PDILT: variants seen among roughly 807,000 people sequenced by gnomAD.
PDILT encodes the protein protein disulfide isomerase like, testis expressed.
Under a neutral mutation model 53.7 loss-of-function variants are expected in PDILT, and 43 were observed. That is an observed-to-expected ratio of 0.80 (90% CI 0.63 to 1.03). The LOEUF (loss-of-function observed/expected upper bound fraction) is 1.03, where lower values mean the gene tolerates loss of function less well. Ranked by LOEUF, PDILT falls within the 50% of genes least tolerant of loss-of-function variation. PDILT has a pLI of 0.00. For missense variants in PDILT, 727 were observed against 712.3 expected, an observed-to-expected ratio of 1.02 and a Z score of -0.24; for synonymous variants, 282 against 274.2, an observed-to-expected ratio of 1.03 and a Z score of -0.28.
At chr16:20,380,264 G>A (rs774155058) in intron 3 of PDILT, among the ~76,000 whole-genome samples, 55 of 152,074 alleles carry the variant, frequency 3.6e-4, no homozygotes, top group Middle Eastern at 3.4e-3. Context: ...ATTCTCAGTT[G>A]GTTCTTCTTT....
At chr16:20,383,647 A>G (rs954637665) in intron 3 of PDILT, among the ~76,000 whole-genome samples, 3 of 152,172 alleles carry the variant, frequency 2.0e-5, no homozygotes, top group African/African-American at 7.2e-5. Flanking sequence ...TTTCTTGCAA[A>G]TAACACTGAA....
chr16:20,396,203 C>T (rs118156848), intron 2 of PDILT, among the ~76,000 whole-genome samples: 2,334 of 152,294 alleles, frequency 0.015, 38 homozygotes, highest in Admixed American at 0.061. Context: ...AATATTCTCG[C>T]TTTACAGGTG....
At chr16:20,399,913 T>C (rs769064756) in intron 1 of PDILT, among the ~76,000 whole-genome samples, 3 of 151,976 alleles carry the variant, frequency 2.0e-5, no homozygotes, top group African/African-American at 4.8e-5. Flanking sequence ...TAAAAATCTC[T>C]CCCATTCTCT....
intron 2 of PDILT, 52 bp downstream of exon 2, chr16:20,399,047 G>A: frequency 6.3e-7 from 1 of 1,597,706 alleles, no homozygotes; most frequent in South Asian, 1.1e-5. Context: ...CACACACAAG[G>A]AGGCAGGCCT....
At position 20,376,120 on chromosome 16, in the gene PDILT, T is replaced by C. The variant is rs1185479483; in HGVS notation, c.491A>G (p.Gln164Arg). The C allele has an allele frequency of 1.5e-5, 25 of 1,614,202 alleles. No individual in the cohort carries two copies. Among genetic ancestry groups the C allele is most frequent in the Non-Finnish European group, 1.9e-5 (22 of 1,180,030 alleles). ...QKAFLFNSSE[Q>R]VAEFVISRPL... Reference sequence around the variant, plus strand: ...CCTGGATATCACAAACTCTGCCACCTGCTCGCTGCTGTTGAACAAAAATGC... The same window carrying C: ...CCTGGATATCACAAACTCTGCCACCCGCTCGCTGCTGTTGAACAAAAATGC... The change falls in exon 4 of 12, where the codon CAG becomes CGG. Residue 164 changes from glutamine to arginine, a missense_variant. Coordinates refer to ENST00000302451, the MANE Select transcript of PDILT (RefSeq NM_174924.2).
At chr16:20,397,091 C>T (rs941704780) in intron 2 of PDILT, among the ~76,000 whole-genome samples, 20 of 152,230 alleles carry the variant, frequency 1.3e-4, no homozygotes, top group African/African-American at 4.8e-4. Context: ...TCACTTAATC[C>T]CCACAATAAC....
chr16:20,398,455 C>T (rs1032709452), intron 2 of PDILT, among the ~76,000 whole-genome samples: 1 of 152,226 alleles, frequency 6.6e-6, no homozygotes, highest in Admixed American at 6.5e-5. Context: ...AACCCTGTCT[C>T]TACTAAAAAT....
Position 20,359,527 on chromosome 16 carries a change from ACTT to A in PDILT, c.1544_1546del (p.Glu515del), listed in dbSNP as rs1325973512. On this transcript the variant is annotated inframe_deletion, in exon 12 of 12. Coordinates refer to ENST00000302451, the MANE Select transcript of PDILT (RefSeq NM_174924.2). ...AGGCACCTCCTTTTCCTCAGCTAGCACTTCCTCTTCTATCACTTCATTTTGCTC... is the reference window on the plus strand; with the variant it reads ...AGGCACCTCCTTTTCCTCAGCTAGCACCTCTTCTATCACTTCATTTTGCTC... 6.2e-7 allele frequency: 1 copy of A among 1,614,078 alleles called. No individual in the cohort carries two copies. Among genetic ancestry groups the A allele is most frequent in the Admixed American group, 1.7e-5 (1 of 60,012 alleles).
intron 7 of PDILT, among the ~76,000 whole-genome samples, chr16:20,371,566 GAA>G (rs1475936084): frequency 6.6e-6 from 1 of 152,212 alleles, no homozygotes; most frequent in East Asian, 1.9e-4. Context: ...GCAATCTGTT[GAA>G]ACAGTATTAA....
At chr16:20,387,024 G>C (rs1966548314) in intron 2 of PDILT, among the ~76,000 whole-genome samples, 1 of 152,144 alleles carries the variant, frequency 6.6e-6, no homozygotes, top group South Asian at 2.1e-4. Context: ...TAGATTGATG[G>C]GGCCTATGAT....
rs144974423 is a variant in PDILT, at chr16:20,372,841, A to G, written c.879T>C (p.Ile293=). The part of the protein sequence containing the change: ...SKSSESYGII[I]QHYKLASKEF... ...CCTTTGATGCCAGCTTATAATGCTG[A>G]ATTATGATACCATATGACTCGGAGC... is the stretch of plus-strand genomic sequence containing the variant. Residue 293 remains isoleucine, a synonymous_variant, in exon 7 of 12, where the codon ATT becomes ATC. Transcript: ENST00000302451. 1.5e-5 allele frequency: 25 copies of G among 1,613,978 alleles called. No homozygotes were observed. Among genetic ancestry groups the G allele is most frequent in the Middle Eastern group, 1.6e-4 (1 of 6,084 alleles).
Position 20,365,457 on chromosome 16 carries a change from G to A in PDILT, c.1200C>T (p.Val400=), listed in dbSNP as rs758522370. ...ATACGTCCTTTTCTTTGTCAAAGAC[G>A]ACTACGTTGAAGTTCTTCCCCACGA... ...KQLVGKNFNV[V]VFDKEKDVFV... The change falls in exon 9 of 12, where the codon GTC becomes GTT. Residue 400 remains valine, a synonymous_variant. Coordinates refer to ENST00000302451, the MANE Select transcript of PDILT (RefSeq NM_174924.2). 1.1e-5 allele frequency: 17 copies of A among 1,613,914 alleles called. No individual in the cohort carries two copies. In the East Asian group the frequency reaches 1.3e-4, roughly 13 times the overall value.
chr16:20,400,036 ATCTATC>A (rs1366912586), intron 1 of PDILT, among the ~76,000 whole-genome samples: 47 of 122,468 alleles, frequency 3.8e-4, no homozygotes, highest in African/African-American at 1.4e-3. Context: ...CTATCTATCT[ATCTATC>A]TATCTATCTA....
chr16:20,368,646 G>A (rs1966254674), intron 8 of PDILT, among the ~76,000 whole-genome samples: 1 of 152,074 alleles, frequency 6.6e-6, no homozygotes, highest in African/African-American at 2.4e-5. Flanking sequence ...GCCCAGGCTG[G>A]AGTGCAGTGG....
At chr16:20,393,138 G>A (rs1306033573) in intron 2 of PDILT, among the ~76,000 whole-genome samples, 2 of 152,194 alleles carry the variant, frequency 1.3e-5, no homozygotes, top group African/African-American at 4.8e-5. Context: ...AGTGGAGTGA[G>A]ACTGCAAGTT....
chr16:20,402,683 A>G (rs777900335), intron 1 of PDILT, among the ~76,000 whole-genome samples: 1 of 152,164 alleles, frequency 6.6e-6, no homozygotes, highest in African/African-American at 2.4e-5. Flanking sequence ...GAACTACTGT[A>G]TTTGCATTTC....
chr16:20,372,718 G>A, intron 7 of PDILT, 84 bp downstream of exon 7: 1 of 1,464,822 alleles, frequency 6.8e-7, no homozygotes, highest in Non-Finnish European at 9.2e-7. Context: ...TTTATAATAA[G>A]CAGGGCAGGC....
Position 20,400,068 on chromosome 16 carries a change from ATATATT to A in PDILT, c.-7-767_-7-762del, listed in dbSNP as rs1433218419. Among the ~76,000 whole-genome samples the A allele has an allele frequency of 1.2e-4, 13 of 109,648 alleles. No individual in the cohort carries two copies. In the South Asian group the frequency reaches 3.1e-3, roughly 26 times the overall value. 71.9% of individuals were successfully genotyped at this position (109,648 alleles called of 152,430 possible). On this transcript the variant is annotated intron_variant, in intron 1 of 11. Coordinates refer to ENST00000302451, the MANE Select transcript of PDILT (RefSeq NM_174924.2). ...TATCTATCTATCTATATATATATAT[ATATATT>A]TTTTGAGACGGAGTTTTGCTCTTGT...
intron 3 of PDILT, among the ~76,000 whole-genome samples, chr16:20,382,998 G>A (rs1452606436): frequency 1.3e-5 from 2 of 152,174 alleles, no homozygotes; most frequent in Non-Finnish European, 2.9e-5. Flanking sequence ...ATGCTGTGAG[G>A]CCACAGAGGT....
Sources: allele counts gnomAD v4.1 joint callset (sites outside exome capture counted in the v4.1 genomes callset), GRCh38; gene constraint gnomAD v4.1.1; transcripts MANE v1.5; gene names NCBI Gene and HGNC (gene_info 2026-07-23, HGNC 2026-07-21).